The following PTPRD variants were observed in gnomAD, a reference collection of about 807,000 sequenced individuals.
PTPRD encodes receptor-type tyrosine-protein phosphatase delta.
In PTPRD, 34 loss-of-function variants were observed where a neutral mutation model predicts 214.5. That is an observed-to-expected ratio of 0.16 (90% CI 0.12 to 0.21). PTPRD has a LOEUF of 0.21. PTPRD is among the 10% of genes least tolerant of loss of function. The pLI is 1.00. For synonymous variants in PTPRD, 1,128 were observed against 845.7 expected (o/e 1.33, Z -5.79); for missense variants, 2,545 against 2,398.7 (o/e 1.06, Z -1.27).
Position 8,528,770 on chromosome 9 carries a change from A to G in PTPRD, c.362T>C (p.Ile121Thr). The change falls in exon 15 of 46, where the codon ATT becomes ACT. Residue 121 changes from isoleucine to threonine, a missense_variant. Physicochemically the swap from Ile to Thr is moderately conservative, Grantham distance 89. Transcript: ENST00000381196. ...TRLTVLREDQIPRGFPTIDMG... is the reference protein window; with the variant it reads ...TRLTVLREDQTPRGFPTIDMG... ...GTCAATGGTAGGGAAGCCCCTGGGA[A>G]TTTGATCTTCTGCAAGACAAAAGGT... 1 of 1,613,242 alleles carries G rather than the reference A, an allele frequency of 6.2e-7. No homozygotes were observed. Among genetic ancestry groups the G allele is most frequent in the Non-Finnish European group, 8.5e-7 (1 of 1,179,520 alleles).
At chr9:8,684,860 T>C (rs1205958796) in intron 12 of PTPRD, among the ~76,000 whole-genome samples, 2 of 152,104 alleles carry the variant, frequency 1.3e-5, no homozygotes, top group African/African-American at 4.8e-5. Flanking sequence ...ATTTTACTGC[T>C]CTCTGTGGGC....
rs2136301662 is a variant in PTPRD, at chr9:8,492,878, C to T, written c.2451G>A (p.Val817=). The change falls in exon 27 of 46, where the codon GTG becomes GTA. Residue 817 remains valine (V), a synonymous_variant. Coordinates refer to ENST00000381196, the MANE Select transcript of PTPRD (RefSeq NM_002839.4). ...CATGATTACCTGCCCCAGTGGTGGA[C>T]ACCAGTTTGGGCTTGCTGCGAGCAC... The part of the protein sequence containing the change: ...GDGARSKPKL[V]STTGAVPGKP... The T allele has an allele frequency of 6.2e-7, 1 of 1,613,498 alleles. No homozygotes were observed. Among genetic ancestry groups the T allele is most frequent in the Non-Finnish European group, 8.5e-7 (1 of 1,179,518 alleles).
intron 7 of PTPRD, among the ~76,000 whole-genome samples, chr9:9,597,678 T>A (rs2154334837): frequency 6.6e-6 from 1 of 151,926 alleles, no homozygotes; most frequent in South Asian, 2.1e-4. Context: ...CACTGATTTG[T>A]GGAAAAAAGA....
Position 9,030,276 on chromosome 9 carries a change from CTTTTTTTTTTT to C in PTPRD, c.-142-11552_-142-11542del, listed in dbSNP as rs71317396. On this transcript the variant is annotated intron_variant, in intron 10 of 45. Coordinates refer to ENST00000381196, the MANE Select transcript of PTPRD (RefSeq NM_002839.4). ...TTGGATCACATGGGCCACACTTGGG[CTTTTTTTTTTT>C]TTTTTTTTTTTTTTTTTTTTTACAG... Among the ~76,000 whole-genome samples, 71 of 37,928 alleles carry C rather than the reference CTTTTTTTTTTT, an allele frequency of 1.9e-3. 1 individual carries two copies. Among genetic ancestry groups the C allele is most frequent in the African/African-American group, 7.3e-3 (67 of 9,206 alleles). 24.9% of individuals were successfully genotyped at this position (37,928 alleles called of 152,430 possible).
At chr9:9,742,333 G>T (rs546798019) in intron 6 of PTPRD, among the ~76,000 whole-genome samples, 1 of 152,042 alleles carries the variant, frequency 6.6e-6, no homozygotes, top group African/African-American at 2.4e-5. Flanking sequence ...GTTCTTCAGC[G>T]CATTCCAAGA....
chr9:9,575,717 C>CAAAAAAAAAAAAAAAA (rs757614546), intron 7 of PTPRD, among the ~76,000 whole-genome samples: 8 of 33,308 alleles, frequency 2.4e-4, no homozygotes, highest in Non-Finnish European at 3.2e-4. Context: ...AAGACTGTCT[C>CAAAAAAAAAAAAAAAA]AAAAAAAAAA....
chr9:9,186,634 CT>C (rs1317449677), intron 9 of PTPRD, among the ~76,000 whole-genome samples: 5 of 886 alleles, frequency 5.6e-3, no homozygotes, highest in African/African-American at 0.023. Flanking sequence ...GTCTCTCCCT[CT>C]CTCTCTCTCT....
intron 14 of PTPRD, among the ~76,000 whole-genome samples, chr9:8,537,610 G>T (rs1451341364): frequency 1.3e-5 from 2 of 151,960 alleles, no homozygotes; most frequent in Non-Finnish European, 2.9e-5. Flanking sequence ...ATTATGCCAT[G>T]CAGGAATAGA....
chr9:9,599,725 T>C (rs1329431269), intron 7 of PTPRD, among the ~76,000 whole-genome samples: 2 of 152,050 alleles, frequency 1.3e-5, no homozygotes, highest in Non-Finnish European at 2.9e-5. Context: ...ATTTCTAGAA[T>C]TCCTGTAATT....
At chr9:9,054,099 A>T (rs938325590) in intron 10 of PTPRD, among the ~76,000 whole-genome samples, 10 of 152,182 alleles carry the variant, frequency 6.6e-5, no homozygotes, top group African/African-American at 2.4e-4. Context: ...CATGCACCAA[A>T]TGTCTCAGAC....
intron 5 of PTPRD, among the ~76,000 whole-genome samples, chr9:9,889,966 G>C (rs77162719): frequency 0.097 from 14,682 of 151,992 alleles, 818 homozygotes; most frequent in South Asian, 0.16. Flanking sequence ...AATCTGGCTA[G>C]CAGAGGGCAG....
At chr9:9,747,111 A>C (rs2098465862) in intron 6 of PTPRD, among the ~76,000 whole-genome samples, 2 of 152,126 alleles carry the variant, frequency 1.3e-5, no homozygotes, top group Admixed American at 1.3e-4. Context: ...AGAAATAAAG[A>C]AGTTTCTGAT....
At chr9:8,587,148 T>A (rs930804508) in intron 14 of PTPRD, among the ~76,000 whole-genome samples, 7 of 152,096 alleles carry the variant, frequency 4.6e-5, no homozygotes, top group African/African-American at 1.7e-4. Flanking sequence ...AGACTCCATC[T>A]AAAAAAACAA....
intron 5 of PTPRD, among the ~76,000 whole-genome samples, chr9:9,778,182 A>C (rs2098813712): frequency 6.6e-6 from 1 of 152,212 alleles, no homozygotes; most frequent in South Asian, 2.1e-4. Context: ...GCAAGGCTGA[A>C]GAGGAAGGAA....
At chr9:8,496,918 G>A (rs1349827911) in intron 26 of PTPRD, among the ~76,000 whole-genome samples, 1 of 152,104 alleles carries the variant, frequency 6.6e-6, no homozygotes, top group Non-Finnish European at 1.5e-5. Flanking sequence ...TTCCAATGTG[G>A]CCCAGAGAAG....
intron 3 of PTPRD, among the ~76,000 whole-genome samples, chr9:10,050,341 C>G (rs978632206): frequency 6.6e-6 from 1 of 151,396 alleles, no homozygotes; most frequent in Non-Finnish European, 1.5e-5. Context: ...GGGCTGATCA[C>G]AAGGTCAGGA....
At chr9:9,863,006 G>A (rs889831495) in intron 5 of PTPRD, among the ~76,000 whole-genome samples, 1 of 152,062 alleles carries the variant, frequency 6.6e-6, no homozygotes, top group African/African-American at 2.4e-5. Context: ...AAGAACAAAT[G>A]ACAATAGGAA....
intron 2 of PTPRD, among the ~76,000 whole-genome samples, chr9:10,578,544 C>T (rs997117773): frequency 3.9e-5 from 6 of 152,048 alleles, no homozygotes; most frequent in African/African-American, 1.2e-4. Flanking sequence ...TAGTCTTCTT[C>T]GTTATGCTGC....
chr9:10,232,317 T>C (rs1302090628), intron 3 of PTPRD, among the ~76,000 whole-genome samples: 2 of 151,850 alleles, frequency 1.3e-5, no homozygotes, highest in Non-Finnish European at 2.9e-5. Context: ...GATCCACTAA[T>C]CCAGAAATTA....
Sources: gnomAD v4.1 joint callset for allele counts (sites outside exome capture counted in the v4.1 genomes callset) on GRCh38, gnomAD v4.1.1 for gene constraint, MANE v1.5 for transcripts, NCBI Gene and HGNC (gene_info 2026-07-23, HGNC 2026-07-21) for gene names.